The following PPP1R37 variants were observed in gnomAD, a reference collection of about 807,000 sequenced individuals.
The protein encoded by PPP1R37 is leucine rich repeat containing 68.
A neutral mutation model predicts 61.0 loss-of-function variants in PPP1R37; 21 were observed. That is an observed-to-expected ratio of 0.34 (90% CI 0.24 to 0.50). The LOEUF (loss-of-function observed/expected upper bound fraction) is 0.50. PPP1R37 is among the 20% of genes least tolerant of loss of function. The pLI is 0.98. For synonymous variants in PPP1R37, 443 were observed against 433.5 expected, an observed-to-expected ratio of 1.02 and a Z score of -0.27; for missense variants, 910 against 952.7, an observed-to-expected ratio of 0.96 and a Z score of 0.59.
chr19:45,108,692 A>C (rs1317173702), intron 1 of PPP1R37: 4 of 144,366 alleles, frequency 2.8e-5, no homozygotes, highest in Non-Finnish European at 6.0e-5. Context: ...CCCAGGCTGG[A>C]GTGCAATGGC....
At chr19:45,115,131 A>C (rs1270699943) in intron 1 of PPP1R37, among the ~76,000 whole-genome samples, 1 of 152,200 alleles carries the variant, frequency 6.6e-6, no homozygotes, top group African/African-American at 2.4e-5. Context: ...CCTGCCTTCC[A>C]GGCTTATTGT....
At chr19:45,101,527 T>C (rs1968062648) in intron 1 of PPP1R37, among the ~76,000 whole-genome samples, 1 of 152,118 alleles carries the variant, frequency 6.6e-6, no homozygotes, top group African/African-American at 2.4e-5. Flanking sequence ...AGACCAGCCT[T>C]GGCAACATGA....
At chr19:45,133,061 C>A (rs1114831) in intron 1 of PPP1R37, among the ~76,000 whole-genome samples, 14,330 of 152,068 alleles carry the variant, frequency 0.094, 786 homozygotes, top group South Asian at 0.13. Flanking sequence ...CAGGCAGTCT[C>A]GCCCCAGAAC....
chr19:45,107,982 C>T lies in PPP1R37; in HGVS notation c.202+14455C>T, dbSNP rs949973344. Among the ~76,000 whole-genome samples the T allele has an allele frequency of 6.6e-5, 10 of 152,134 alleles. 1 individual carries two copies. Among genetic ancestry groups the T allele is most frequent in the Admixed American group, 6.5e-4 (10 of 15,274 alleles). On this transcript the variant is annotated intron_variant, in intron 1 of 12. Coordinates refer to ENST00000221462, the MANE Select transcript of PPP1R37 (RefSeq NM_019121.2). Reference sequence around the variant, plus strand: ...GTTGCATAGATAATGCAGTGATGTTCGTCCTTGTCCATAAATCTTCATGCT... The same window carrying T: ...GTTGCATAGATAATGCAGTGATGTTTGTCCTTGTCCATAAATCTTCATGCT...
intron 1 of PPP1R37, among the ~76,000 whole-genome samples, chr19:45,095,767 A>G (rs1967985108): frequency 6.6e-6 from 1 of 151,384 alleles, no homozygotes; most frequent in Non-Finnish European, 1.5e-5. Context: ...TTAAAAAAAA[A>G]AAAAAAAAAA....
intron 8 of PPP1R37, 135 bp from the exon 9 acceptor site, chr19:45,144,719 C>T (rs1390538805): frequency 9.6e-6 from 7 of 725,822 alleles, no homozygotes; most frequent in Non-Finnish European, 1.5e-5. Flanking sequence ...AGGACGGCGC[C>T]GGTGTTCACG....
rs996407265 is a variant in PPP1R37, at chr19:45,121,799, G to T, written c.203-16715G>T. Among the ~76,000 whole-genome samples, 2 of 152,204 alleles carry T rather than the reference G, an allele frequency of 1.3e-5. No individual in the cohort carries two copies. Among genetic ancestry groups the T allele is most frequent in the Non-Finnish European group, 2.9e-5 (2 of 68,042 alleles). ...TGACTACATATCAGGCTGCCCTGGG[G>T]CCCCTTTCAGTAAAGATACTCCCCT... is the stretch of plus-strand genomic sequence containing the variant. On this transcript the variant is annotated intron_variant, in intron 1 of 12. Coordinates refer to ENST00000221462, the MANE Select transcript of PPP1R37 (RefSeq NM_019121.2). The surrounding 1 kb of genome is among the most constrained non-coding windows in gnomAD (Gnocchi z 4.2).
chr19:45,146,380 TCCCA>T lies in PPP1R37; in HGVS notation c.1994-8_1994-5del, dbSNP rs1237375839. ...GCCTGACGGGGGTGCTGGCCCGTCC[TCCCA>T]CACAGAACTGAGCTGCTCCAAGAAC... On this transcript the variant is annotated splice_polypyrimidine_tract_variant and splice_region_variant and intron_variant, in intron 11 of 12. Coordinates refer to ENST00000221462, the MANE Select transcript of PPP1R37 (RefSeq NM_019121.2). The T allele has an allele frequency of 3.3e-6, 5 of 1,535,162 alleles. No homozygotes were observed. In the Admixed American group the frequency reaches 9.8e-5, roughly 30 times the overall value.
chr19:45,095,902 G>A (rs1224259719), intron 1 of PPP1R37, among the ~76,000 whole-genome samples: 2 of 152,164 alleles, frequency 1.3e-5, no homozygotes, highest in Non-Finnish European at 2.9e-5. Context: ...GTCCAGAGCA[G>A]GAAGGGGAAA....
At chr19:45,137,833 C>CAAAAAAAA (rs5828228) in intron 1 of PPP1R37, among the ~76,000 whole-genome samples, 21 of 106,098 alleles carry the variant, frequency 2.0e-4, no homozygotes, top group Non-Finnish European at 2.1e-4. Context: ...TACAAAAATA[C>CAAAAAAAA]AAAAAAAAAA....
chr19:45,110,822 A>G (rs1363442344), intron 1 of PPP1R37, among the ~76,000 whole-genome samples: 2 of 152,170 alleles, frequency 1.3e-5, no homozygotes, highest in Admixed American at 1.3e-4. Context: ...AACAGCTTAC[A>G]GTTTCTAAAA....
chr19:45,138,684 G>C, intron 2 of PPP1R37, 73 bp downstream of exon 2: 1 of 1,032,750 alleles, frequency 9.7e-7, no homozygotes, highest in South Asian at 1.4e-5. Context: ...CAGCCCAGCA[G>C]GAGAGGGCCT....
At position 45,093,340 on chromosome 19, in the gene PPP1R37, G is replaced by T. The variant is rs182475373; in HGVS notation, c.15G>T (p.Pro5=). MEIA[P]QEAPPVPGAD... ...CGGCGGCGGCTATGGAGATCGCGCC[G>T]CAGGAGGCGCCGCCCGTGCCGGGCG... The change falls in exon 1 of 13, where the codon CCG becomes CCT. Residue 5 remains proline (P), a synonymous_variant. Coordinates refer to ENST00000221462, the MANE Select transcript of PPP1R37 (RefSeq NM_019121.2). 3.9e-4 allele frequency: 579 copies of T among 1,486,198 alleles called. 3 individuals are homozygous for T. In the African/African-American group the frequency reaches 6.7e-3, roughly 17 times the overall value. The allele number at this position is 1,486,198 out of a possible 1,614,324, so 92.1% of individuals were successfully genotyped here.
intron 1 of PPP1R37, among the ~76,000 whole-genome samples, chr19:45,114,855 C>T (rs1000111050): frequency 6.6e-6 from 1 of 151,852 alleles, no homozygotes; most frequent in Non-Finnish European, 1.5e-5. Context: ...CACTAGTGTC[C>T]TCAGATGTGT....
intron 2 of PPP1R37, among the ~76,000 whole-genome samples, chr19:45,139,803 C>T (rs529451075): frequency 4.6e-5 from 7 of 152,370 alleles, no homozygotes; most frequent in East Asian, 3.9e-4. Context: ...ATCTGCGGGA[C>T]GGTGGGTTCT....
At chr19:45,103,714 G>T (rs1350054879) in intron 1 of PPP1R37, among the ~76,000 whole-genome samples, 1 of 152,186 alleles carries the variant, frequency 6.6e-6, no homozygotes, top group East Asian at 1.9e-4. Flanking sequence ...CCTCCTGGTG[G>T]TGGTGATGGA....
intron 1 of PPP1R37, among the ~76,000 whole-genome samples, chr19:45,137,594 T>A (rs1968554652): frequency 6.6e-6 from 1 of 152,174 alleles, no homozygotes; most frequent in Non-Finnish European, 1.5e-5. Flanking sequence ...TTCCAACTGC[T>A]TCTGTGTCCT....
chr19:45,098,427 C>T (rs1968020957), intron 1 of PPP1R37, among the ~76,000 whole-genome samples: 1 of 152,164 alleles, frequency 6.6e-6, no homozygotes, highest in South Asian at 2.1e-4. Flanking sequence ...GCACATGACA[C>T]CAGCCACAGT....
At chr19:45,110,103 G>T (rs535619800) in intron 1 of PPP1R37, among the ~76,000 whole-genome samples, 1 of 151,184 alleles carries the variant, frequency 6.6e-6, no homozygotes, top group Non-Finnish European at 1.5e-5. Flanking sequence ...AGGAATTAAT[G>T]AATTCCCTTT....
Sources: allele counts gnomAD v4.1 joint callset (sites outside exome capture counted in the v4.1 genomes callset), GRCh38; gene constraint gnomAD v4.1.1; non-coding constraint Gnocchi (gnomAD v3.1); transcripts MANE v1.5; gene names NCBI Gene and HGNC (gene_info 2026-07-23, HGNC 2026-07-21).